CADM2: variants seen among roughly 807,000 people sequenced by gnomAD.
The protein encoded by CADM2 is immunoglobulin superfamily member 4D.
Under a neutral mutation model 49.8 loss-of-function variants are expected in CADM2, and 12 were observed. The observed-to-expected ratio is 0.24, with a 90% CI of 0.15 to 0.39. CADM2 has a LOEUF of 0.39. CADM2 is among the 10% of genes least tolerant of loss of function. CADM2 has a pLI of 1.00. For missense variants in CADM2, 378 were observed against 492.3 expected (o/e 0.77, Z 2.20); for synonymous variants, 214 against 175.4 (o/e 1.22, Z -1.74).
At chr3:85,799,873 C>G (rs1211991187) in intron 2 of CADM2, 1 of 152,528 alleles carries the variant, frequency 6.6e-6, no homozygotes. Context: ...CAGGGACCCA[C>G]TTGAGGAGGC....
chr3:85,835,783 C>T (rs1157405357), intron 3 of CADM2, among the ~76,000 whole-genome samples: 1 of 146,232 alleles, frequency 6.8e-6, no homozygotes. Flanking sequence ...ATATCCCTTG[C>T]TTGCAAAAAA....
chr3:85,814,256 A>G (rs1307843793), intron 3 of CADM2, among the ~76,000 whole-genome samples: 1 of 152,082 alleles, frequency 6.6e-6, no homozygotes, highest in Non-Finnish European at 1.5e-5. Context: ...GAGGTCCTTC[A>G]TATACCTTAT....
chr3:85,475,829 A>G, intron 1 of CADM2, among the ~76,000 whole-genome samples: 1 of 151,950 alleles, frequency 6.6e-6, no homozygotes, highest in East Asian at 1.9e-4. Context: ...TAGATGTTTT[A>G]TGTTTCTAAA....
At chr3:85,259,512 A>G (rs1375357101) in intron 1 of CADM2, among the ~76,000 whole-genome samples, 2 of 152,158 alleles carry the variant, frequency 1.3e-5, no homozygotes, top group Non-Finnish European at 2.9e-5. Context: ...TATTGAAAAT[A>G]TGGAAATGAT....
intron 1 of CADM2, among the ~76,000 whole-genome samples, chr3:85,499,970 CTT>C (rs2040049121): frequency 2.0e-5 from 3 of 152,078 alleles, no homozygotes; most frequent in African/African-American, 7.2e-5. Flanking sequence ...TAGAGTGCTG[CTT>C]AGTTCTACAA....
chr3:85,965,236 TACTA>T (rs1306750073), intron 8 of CADM2, among the ~76,000 whole-genome samples: 1 of 149,272 alleles, frequency 6.7e-6, no homozygotes, highest in African/African-American at 2.4e-5. Context: ...TGTTTAAAAA[TACTA>T]ACATATAACT....
chr3:85,341,717 A>G (rs1248840314), intron 1 of CADM2, among the ~76,000 whole-genome samples: 2 of 152,080 alleles, frequency 1.3e-5, no homozygotes, highest in Admixed American at 6.6e-5. Flanking sequence ...ACACAAAAAA[A>G]GAGAGCTAAA....
intron 1 of CADM2, among the ~76,000 whole-genome samples, chr3:85,646,870 A>G (rs1253031862): frequency 6.6e-6 from 1 of 151,922 alleles, no homozygotes; most frequent in Non-Finnish European, 1.5e-5. Context: ...ACACAGGGCA[A>G]TAAATAAATT....
chr3:85,399,888 T>A (rs1051290441), intron 1 of CADM2, among the ~76,000 whole-genome samples: 2 of 152,216 alleles, frequency 1.3e-5, no homozygotes, highest in Non-Finnish European at 2.9e-5. Flanking sequence ...TGGGGTTTTC[T>A]AAATATACAA....
chr3:85,898,104 T>C (rs2108440364), intron 5 of CADM2, among the ~76,000 whole-genome samples: 2 of 152,284 alleles, frequency 1.3e-5, no homozygotes, highest in Middle Eastern at 3.4e-3. Flanking sequence ...ACTTGAAGTT[T>C]TCTTAATGGT....
chr3:85,630,819 C>G (rs914375210), intron 1 of CADM2, among the ~76,000 whole-genome samples: 3 of 151,952 alleles, frequency 2.0e-5, no homozygotes, highest in Non-Finnish European at 4.4e-5. Flanking sequence ...AATCACATTT[C>G]TCTATATAAC....
intron 1 of CADM2, among the ~76,000 whole-genome samples, chr3:85,175,276 A>AC (rs752491133): frequency 6.6e-6 from 1 of 152,024 alleles, no homozygotes; most frequent in Non-Finnish European, 1.5e-5. Context: ...CAGTGCATGC[A>AC]CCCCCCGAAA....
chr3:85,744,020 C>T (rs759612588), intron 2 of CADM2, among the ~76,000 whole-genome samples: 3 of 152,028 alleles, frequency 2.0e-5, no homozygotes, highest in Non-Finnish European at 4.4e-5. Context: ...GCATATACTC[C>T]AGAGGGGGAA....
intron 1 of CADM2, among the ~76,000 whole-genome samples, chr3:85,666,259 A>C (rs1397547247): frequency 6.6e-6 from 1 of 152,004 alleles, no homozygotes; most frequent in East Asian, 1.9e-4. Context: ...AACAAATATC[A>C]ATTGATATTT....
At chr3:85,741,953 T>G (rs2068410154) in intron 2 of CADM2, among the ~76,000 whole-genome samples, 1 of 152,180 alleles carries the variant, frequency 6.6e-6, no homozygotes, top group Non-Finnish European at 1.5e-5. Flanking sequence ...TTTTATAGCT[T>G]TTACTTCTTT....
At chr3:85,772,517 T>C (rs2070146207) in intron 2 of CADM2, among the ~76,000 whole-genome samples, 1 of 152,122 alleles carries the variant, frequency 6.6e-6, no homozygotes, top group Non-Finnish European at 1.5e-5. Flanking sequence ...AATGTATATA[T>C]TTCTAACTCA....
chr3:85,831,893 T>G (rs1183043692), intron 3 of CADM2, among the ~76,000 whole-genome samples: 1 of 151,986 alleles, frequency 6.6e-6, no homozygotes, highest in Non-Finnish European at 1.5e-5. Flanking sequence ...ATAAATTCTT[T>G]GCCAAGGCTG....
intron 1 of CADM2, among the ~76,000 whole-genome samples, chr3:85,693,077 C>T (rs867816391): frequency 2.6e-5 from 4 of 151,778 alleles, no homozygotes; most frequent in African/African-American, 7.3e-5. Context: ...GGTGAAACTC[C>T]GTCTCTACTA....
intron 6 of CADM2, among the ~76,000 whole-genome samples, chr3:85,926,092 A>C (rs929989302): frequency 3.3e-5 from 5 of 151,718 alleles, no homozygotes; most frequent in African/African-American, 9.7e-5. Flanking sequence ...AGCCGAGATC[A>C]TACCACTGCA....
Sources: gnomAD v4.1 joint callset for allele counts (sites outside exome capture counted in the v4.1 genomes callset) on GRCh38, gnomAD v4.1.1 for gene constraint, MANE v1.5 for transcripts, NCBI Gene and HGNC (gene_info 2026-07-23, HGNC 2026-07-21) for gene names.